The following PELI2 variants were observed in gnomAD, a reference collection of about 807,000 sequenced individuals.
PELI2 encodes the protein pellino E3 ubiquitin protein ligase family member 2.
PELI2 carries 23 observed loss-of-function variants against 42.3 expected under a neutral mutation model. The ratio of observed to expected loss-of-function variants is 0.54; its 90% CI spans 0.39 to 0.77. PELI2 has a LOEUF of 0.77. PELI2 is among the 30% of genes least tolerant of loss of function. The probability of loss-of-function intolerance (pLI) is 0.00; values close to 1 mark genes in which losing one functional copy is unlikely to be tolerated. For missense variants in PELI2, 463 were observed against 553.2 expected (o/e 0.84, Z 1.64); for synonymous variants, 245 against 212.2 (o/e 1.15, Z -1.34).
At chr14:56,252,246 T>G (rs943352218) in intron 2 of PELI2, among the ~76,000 whole-genome samples, 1 of 152,144 alleles carries the variant, frequency 6.6e-6, no homozygotes, top group African/African-American at 2.4e-5. Flanking sequence ...TAAAATTATT[T>G]TCATAGCTAA....
At chr14:56,184,167 G>A (rs1030488211) in intron 2 of PELI2, among the ~76,000 whole-genome samples, 5 of 151,966 alleles carry the variant, frequency 3.3e-5, no homozygotes, top group African/African-American at 4.8e-5. Flanking sequence ...TGTTAAAATA[G>A]CATTTGGACA....
intron 2 of PELI2, among the ~76,000 whole-genome samples, chr14:56,213,462 A>C (rs886911948): frequency 2.6e-5 from 4 of 152,202 alleles, no homozygotes; most frequent in Admixed American, 2.0e-4. Flanking sequence ...CCCACAGGGC[A>C]GCTTAGGGCA....
At chr14:56,196,127 C>T (rs771105323) in intron 2 of PELI2, among the ~76,000 whole-genome samples, 41 of 152,166 alleles carry the variant, frequency 2.7e-4, no homozygotes, top group Non-Finnish European at 4.9e-4. Flanking sequence ...GTGGAGGTTA[C>T]ATTGTATAAA....
intron 2 of PELI2, among the ~76,000 whole-genome samples, chr14:56,221,961 G>A (rs950148659): frequency 4.6e-5 from 7 of 151,912 alleles, no homozygotes; most frequent in Non-Finnish European, 7.4e-5. Flanking sequence ...TGCCAGCCTC[G>A]AAGAGACTAC....
intron 1 of PELI2, among the ~76,000 whole-genome samples, chr14:56,122,468 C>A (rs952120529): frequency 2.0e-5 from 3 of 152,104 alleles, no homozygotes; most frequent in African/African-American, 7.2e-5. Flanking sequence ...TCAAAGCATC[C>A]TTTCTGGATT....
At chr14:56,207,766 G>A (rs1405589654) in intron 2 of PELI2, among the ~76,000 whole-genome samples, 2 of 152,172 alleles carry the variant, frequency 1.3e-5, no homozygotes, top group Non-Finnish European at 2.9e-5. Context: ...GGCTTTTCTT[G>A]TCTGGCCAGA....
intron 2 of PELI2, among the ~76,000 whole-genome samples, chr14:56,214,206 G>A (rs950768502): frequency 2.0e-5 from 3 of 152,126 alleles, no homozygotes; most frequent in Non-Finnish European, 4.4e-5. Flanking sequence ...TGTCACTACA[G>A]TATAATTCCC....
At chr14:56,238,685 A>G (rs1887877900) in intron 2 of PELI2, among the ~76,000 whole-genome samples, 1 of 152,212 alleles carries the variant, frequency 6.6e-6, no homozygotes, top group African/African-American at 2.4e-5. Flanking sequence ...CTGAATTTGG[A>G]GTAAAATTAA....
chr14:56,163,608 G>T (rs1884845346), intron 1 of PELI2, among the ~76,000 whole-genome samples: 1 of 151,864 alleles, frequency 6.6e-6, no homozygotes, highest in Non-Finnish European at 1.5e-5. Flanking sequence ...TATTTCTGTG[G>T]AGGATGTTAC....
Position 56,188,504 on chromosome 14 carries a change from G to A in PELI2, c.207+10040G>A, listed in dbSNP as rs1885850494. ...TCATAAAATGACCATTGAAAACTTG[G>A]TTTTTAGCCACTGCATAGTATTTCA... On this transcript the variant is annotated intron_variant, in intron 2 of 5. Transcript: ENST00000267460. Among the ~76,000 whole-genome samples the A allele has an allele frequency of 2.0e-5, 3 of 152,134 alleles. No individual in the cohort carries two copies. In the South Asian group the frequency reaches 6.2e-4, roughly 32 times the overall value.
intron 5 of PELI2, among the ~76,000 whole-genome samples, chr14:56,296,120 C>T (rs1889990935): frequency 6.6e-6 from 1 of 152,214 alleles, no homozygotes; most frequent in Admixed American, 6.5e-5. Flanking sequence ...GTGGAGGAAG[C>T]TAAGGGTCAC....
chr14:56,197,765 C>A lies in PELI2; in HGVS notation c.207+19301C>A, dbSNP rs996118637. 6.6e-6 allele frequency among the ~76,000 whole-genome samples: 1 copy of A among 152,026 alleles called. No homozygotes were observed. The highest frequency in any genetic ancestry group is 2.4e-5 in the African/African-American group (1 of 41,388). ...ACATCAGGTAAAAGCTTGCATAGAACGAAAAGATTAACCCAATCCAAGCAA... is the reference window on the plus strand; with the variant it reads ...ACATCAGGTAAAAGCTTGCATAGAAAGAAAAGATTAACCCAATCCAAGCAA... On this transcript the variant is annotated intron_variant, in intron 2 of 5. Transcript: ENST00000267460. This position sits in a 1 kb window ranked among gnomAD's most constrained non-coding sequence, Gnocchi z 4.9.
intron 2 of PELI2, among the ~76,000 whole-genome samples, chr14:56,181,666 C>T (rs1010321850): frequency 1.3e-5 from 2 of 152,034 alleles, no homozygotes; most frequent in Non-Finnish European, 2.9e-5. Context: ...TGCTGGTGGT[C>T]GTGGCAGCTG....
chr14:56,148,239 G>A (rs1308146525), intron 1 of PELI2, among the ~76,000 whole-genome samples: 1 of 152,114 alleles, frequency 6.6e-6, no homozygotes, highest in Non-Finnish European at 1.5e-5. Flanking sequence ...CTTGCCTGTA[G>A]CCTCCTTATT....
At chr14:56,153,673 A>G (rs1461056466) in intron 1 of PELI2, among the ~76,000 whole-genome samples, 1 of 152,238 alleles carries the variant, frequency 6.6e-6, no homozygotes, top group Non-Finnish European at 1.5e-5. Flanking sequence ...AAAACTTGAG[A>G]TTTAATTTTA....
In PELI2 at chr14:56,150,379, C is replaced by G. The variant is rs553458772; in HGVS notation, c.78-27956C>G. 3.3e-5 allele frequency among the ~76,000 whole-genome samples: 5 copies of G among 152,238 alleles called. No homozygotes were observed. In the East Asian group the frequency reaches 9.7e-4, roughly 29 times the overall value. ...TGTATGTTAATTGGTCCAATGTAATCTCGTAACTGATCCCATTTTCTATTA... is the reference window on the plus strand; with the variant it reads ...TGTATGTTAATTGGTCCAATGTAATGTCGTAACTGATCCCATTTTCTATTA... On this transcript the variant is annotated intron_variant, in intron 1 of 5. Coordinates refer to ENST00000267460, the MANE Select transcript of PELI2 (RefSeq NM_021255.3).
At chr14:56,258,257 C>G (rs987748173) in intron 2 of PELI2, among the ~76,000 whole-genome samples, 2 of 152,154 alleles carry the variant, frequency 1.3e-5, no homozygotes, top group African/African-American at 4.8e-5. Flanking sequence ...CCTACCAGAA[C>G]AAGTCCAACA....
chr14:56,249,820 GC>G (rs1888282206), intron 2 of PELI2, among the ~76,000 whole-genome samples: 1 of 152,180 alleles, frequency 6.6e-6, no homozygotes, highest in Non-Finnish European at 1.5e-5. Flanking sequence ...ATCAATGTGT[GC>G]CCTGACTCAG....
chr14:56,196,746 C>T (rs866997552), intron 2 of PELI2, among the ~76,000 whole-genome samples: 4 of 152,166 alleles, frequency 2.6e-5, no homozygotes, highest in African/African-American at 7.2e-5. Flanking sequence ...TTATTAACTA[C>T]GTGATATTTA....
Sources: allele counts gnomAD v4.1 joint callset (sites outside exome capture counted in the v4.1 genomes callset), GRCh38; gene constraint gnomAD v4.1.1; non-coding constraint Gnocchi (gnomAD v3.1); transcripts MANE v1.5; gene names NCBI Gene and HGNC (gene_info 2026-07-23, HGNC 2026-07-21).